MTCL1: variants seen among roughly 807,000 people sequenced by gnomAD.
MTCL1 encodes microtubule crosslinking factor 1, also known as microtubule cross-linking factor 1.
MTCL1 carries 79 observed loss-of-function variants against 141.4 expected under a neutral mutation model. The observed-to-expected ratio is 0.56, with a 90% CI of 0.47 to 0.67. The LOEUF (loss-of-function observed/expected upper bound fraction) is 0.67. MTCL1 is among the 30% of genes least tolerant of loss of function. The pLI, the probability that MTCL1 is intolerant of heterozygous loss-of-function variation, is 0.00. For synonymous variants in MTCL1, 914 were observed against 875.8 expected (o/e 1.04, Z -0.77); for missense variants, 2,177 against 2,113.9 (o/e 1.03, Z -0.59).
chr18:8,813,216 T>C (rs373862673), exon 12 of MTCL1: 75 of 1,610,736 alleles, frequency 4.7e-5, no homozygotes, highest in Non-Finnish European at 5.9e-5. Context: ...GAAGGAATTC[T>C]TGTGGAGGAT....
chr18:8,771,387 A>T (rs778921021), intron 4 of MTCL1, among the ~76,000 whole-genome samples: 5 of 152,232 alleles, frequency 3.3e-5, no homozygotes, highest in Non-Finnish European at 7.3e-5. Flanking sequence ...TGTGTGTCTT[A>T]TAAACTACCC....
upstream of MTCL1, among the ~76,000 whole-genome samples, chr18:8,713,991 G>T (rs1464907423): frequency 6.6e-6 from 1 of 152,210 alleles, no homozygotes; most frequent in Non-Finnish European, 1.5e-5. Flanking sequence ...GCACGTTGCA[G>T]TGTCTTCCTA....
upstream of MTCL1, among the ~76,000 whole-genome samples, chr18:8,712,585 A>C (rs1422012803): frequency 6.6e-6 from 1 of 152,084 alleles, no homozygotes; most frequent in African/African-American, 2.4e-5. Context: ...CTTTCCTGAC[A>C]TTCGCTGTCC....
chr18:8,756,302 A>AGT (rs138010375), intron 4 of MTCL1, among the ~76,000 whole-genome samples: 9,665 of 151,318 alleles, frequency 0.064, 1,063 homozygotes, highest in African/African-American at 0.22. Context: ...ATGAAAAAGA[A>AGT]GTGTGTGTGT....
chr18:8,796,123 A>G (rs2075909203), intron 8 of MTCL1, 109 bp from the exon 8 acceptor site: 2 of 1,060,822 alleles, frequency 1.9e-6, no homozygotes, highest in Non-Finnish European at 2.9e-6. Context: ...TTCACGTCTC[A>G]TATGCAGCAT....
At chr18:8,723,309 G>T (rs2096185359) in intron 4 of MTCL1, among the ~76,000 whole-genome samples, 1 of 152,192 alleles carries the variant, frequency 6.6e-6, no homozygotes, top group African/African-American at 2.4e-5. Flanking sequence ...TTGTGAATGG[G>T]TTCTTTTTGC....
In MTCL1 at chr18:8,791,042, A is replaced by G. The variant is rs150471278; in HGVS notation, c.1888-1956A>G. Among the ~76,000 whole-genome samples, 359 of 152,274 alleles carry G rather than the reference A, an allele frequency of 2.4e-3. 1 individual carries two copies. The highest frequency in any genetic ancestry group is 7.9e-3 in the African/African-American group (327 of 41,572). On this transcript the variant is annotated intron_variant, in intron 7 of 16. Coordinates refer to ENST00000359865, the Ensembl canonical transcript of MTCL1. ...AAAACAAGCAAACAAAGAACTGAGA[A>G]CCAGAGTGGTCTCTGTGGCCCTTGG...
intron 4 of MTCL1, among the ~76,000 whole-genome samples, chr18:8,775,601 TAACTG>T (rs892440563): frequency 6.6e-6 from 1 of 150,944 alleles, no homozygotes; most frequent in Non-Finnish European, 1.5e-5. Flanking sequence ...AGAAACTTCT[TAACTG>T]AAGCATGAAG....
chr18:8,783,098 C>T (rs1275889683), intron 5 of MTCL1, among the ~76,000 whole-genome samples: 1 of 152,190 alleles, frequency 6.6e-6, no homozygotes, highest in Non-Finnish European at 1.5e-5. Context: ...TGTCTGCCTG[C>T]ACCAGGCCTT....
chr18:8,728,272 C>T (rs188088217), intron 4 of MTCL1, among the ~76,000 whole-genome samples: 6 of 152,254 alleles, frequency 3.9e-5, no homozygotes, highest in Non-Finnish European at 7.4e-5. Flanking sequence ...CAGTTTCCTT[C>T]TTGCTGATCT....
rs570897129 is a variant in MTCL1, at chr18:8,777,458, C to T, written c.358-375C>T. Among the ~76,000 whole-genome samples the T allele has an allele frequency of 1.7e-3, 256 of 152,312 alleles. 1 individual carries two copies. The highest frequency in any genetic ancestry group is 2.9e-3 in the Admixed American group (44 of 15,306). On this transcript the variant is annotated intron_variant, in intron 4 of 16. Transcript: ENST00000359865. ...CATGATTTGGAACGTGAACCAGCTC[C>T]AGAAATATGAGTTATCTGTTTCCCA...
chr18:8,784,606 A>G, exon 6 of MTCL1: 1 of 1,612,866 alleles, frequency 6.2e-7, no homozygotes, highest in Non-Finnish European at 8.5e-7. Flanking sequence ...TCCAGGGCGA[A>G]GAGGAGCAGG....
chr18:8,785,719 C>T (rs1384911232), intron 6 of MTCL1: 1 of 593,322 alleles, frequency 1.7e-6, no homozygotes, highest in Non-Finnish European at 3.0e-6. Flanking sequence ...TGCTCATCCT[C>T]ATCTTGGGTC....
At chr18:8,824,924 G>A (rs758364874) in exon 15 of MTCL1, 8 of 1,613,766 alleles carry the variant, frequency 5.0e-6, no homozygotes, top group Non-Finnish European at 6.8e-6. Context: ...GGACCGAGGT[G>A]GGGCGGGCAG....
At chr18:8,714,555 G>A (rs185325492), upstream of MTCL1, among the ~76,000 whole-genome samples, 278 of 152,294 alleles carry the variant, frequency 1.8e-3, no homozygotes, top group African/African-American at 6.4e-3. Flanking sequence ...GAGGAGCAAA[G>A]ACACATATTA....
At chr18:8,726,892 C>G (rs1030802566) in intron 4 of MTCL1, among the ~76,000 whole-genome samples, 1 of 152,170 alleles carries the variant, frequency 6.6e-6, no homozygotes, top group African/African-American at 2.4e-5. Context: ...GTGCACCCAC[C>G]ACCCGAACGG....
intron 4 of MTCL1, among the ~76,000 whole-genome samples, chr18:8,767,804 T>G (rs1242927441): frequency 6.6e-6 from 1 of 151,794 alleles, no homozygotes; most frequent in Non-Finnish European, 1.5e-5. Flanking sequence ...GGAAAAAAAA[T>G]CTATAAACAA....
At position 8,789,477 on chromosome 18, in the gene MTCL1, T is replaced by C. The variant is rs191296475; in HGVS notation, c.1887+3386T>C. ...GATTGTGAAGTTATCTTCTTAAGTGTGGGAAGTAATTTGTAAGCCACTTTC... is the reference window on the plus strand; with the variant it reads ...GATTGTGAAGTTATCTTCTTAAGTGCGGGAAGTAATTTGTAAGCCACTTTC... On this transcript the variant is annotated intron_variant, in intron 7 of 16. Transcript: ENST00000359865. 2,607 of 985,436 alleles carry C rather than the reference T, an allele frequency of 2.6e-3. 8 individuals are homozygous for C. Among genetic ancestry groups the C allele is most frequent in the Non-Finnish European group, 3.0e-3 (2,487 of 829,936 alleles). The allele number at this position is 985,436 out of a possible 1,614,324, so 61.0% of individuals were successfully genotyped here.
upstream of MTCL1, among the ~76,000 whole-genome samples, chr18:8,713,040 A>G (rs2096103901): frequency 6.6e-6 from 1 of 152,204 alleles, no homozygotes; most frequent in Admixed American, 6.5e-5. Flanking sequence ...ATATTCATGG[A>G]TAAAACTATC....
Sources: allele counts gnomAD v4.1 joint callset (sites outside exome capture counted in the v4.1 genomes callset), GRCh38; gene constraint gnomAD v4.1.1; transcripts MANE v1.5; gene names NCBI Gene and HGNC (gene_info 2026-07-23, HGNC 2026-07-21).